The following NTAQ1 variants were observed in gnomAD, a reference collection of about 807,000 sequenced individuals.
The protein encoded by NTAQ1 is protein N-terminal glutamine amidohydrolase.
In NTAQ1, 21 loss-of-function variants were observed where a neutral mutation model predicts 28.2. That is an observed-to-expected ratio of 0.74 (90% CI 0.53 to 1.07). NTAQ1 has a LOEUF of 1.07. NTAQ1 is among the 50% of genes least tolerant of loss of function. NTAQ1 has a pLI of 0.00. For missense variants in NTAQ1, 264 were observed against 256.6 expected (o/e 1.03, Z -0.20); for synonymous variants, 105 against 90.0 (o/e 1.17, Z -0.94).
chr8:123,462,790 C>T (rs1441908665), intron 6 of NTAQ1, among the ~76,000 whole-genome samples: 2 of 152,218 alleles, frequency 1.3e-5, no homozygotes, highest in Admixed American at 6.5e-5. Context: ...CTTCCCCAAG[C>T]ATGCCCCCAA....
At chr8:123,452,422 C>T (rs916190086), downstream of NTAQ1, among the ~76,000 whole-genome samples, 5 of 152,160 alleles carry the variant, frequency 3.3e-5, no homozygotes, top group African/African-American at 1.2e-4. Context: ...CATGATGAAA[C>T]CCTGTCTCTA....
intron 1 of NTAQ1, among the ~76,000 whole-genome samples, chr8:123,417,268 C>T (rs1813356349): frequency 6.6e-6 from 1 of 152,172 alleles, no homozygotes; most frequent in South Asian, 2.1e-4. Context: ...CTGCTGAAGC[C>T]TGTGGGGTTT....
At chr8:123,461,605 G>A (rs1563907687) in intron 6 of NTAQ1, among the ~76,000 whole-genome samples, 1 of 152,110 alleles carries the variant, frequency 6.6e-6, no homozygotes, top group Non-Finnish European at 1.5e-5. Flanking sequence ...GACACCCTAG[G>A]TCCTTTCACA....
In NTAQ1 at chr8:123,430,116, G is replaced by A. The variant is rs1814309258; in HGVS notation, c.234+83G>A. 4.0e-6 allele frequency: 4 copies of A among 1,008,300 alleles called. No homozygotes were observed. The East Asian group carries it at 1.0e-4, about 25-fold the overall frequency. The allele number at this position is 1,008,300 out of a possible 1,614,324, so 62.5% of individuals were successfully genotyped here. On this transcript the variant is annotated intron_variant, in intron 3 of 5. Coordinates refer to ENST00000287387, the MANE Select transcript of NTAQ1 (RefSeq NM_018024.3). ...CTGTATGTTTTGGTAAAGCAGAAGT[G>A]ACCTAAGCAGTAGAGAAAGGCTATG...
chr8:123,461,754 T>G (rs1815830625), intron 6 of NTAQ1, among the ~76,000 whole-genome samples: 2 of 152,044 alleles, frequency 1.3e-5, no homozygotes, highest in Admixed American at 1.3e-4. Flanking sequence ...AAGGATTTAT[T>G]GAAAGGAAAG....
chr8:123,466,607 T>C (rs113379880), intron 6 of NTAQ1, among the ~76,000 whole-genome samples: 104 of 152,332 alleles, frequency 6.8e-4, no homozygotes, highest in African/African-American at 2.5e-3. Flanking sequence ...TGCAATTGTT[T>C]TCATCTGGAG....
At chr8:123,427,247 C>CTTTTTT (rs33920843) in intron 1 of NTAQ1, among the ~76,000 whole-genome samples, 80 of 81,598 alleles carry the variant, frequency 9.8e-4, no homozygotes, top group Admixed American at 1.8e-3. Context: ...ATGGTCAAAG[C>CTTTTTT]TTTTTTTTTT....
At chr8:123,430,090 T>G in intron 3 of NTAQ1, 57 bp downstream of exon 3, 1 of 1,412,474 alleles carries the variant, frequency 7.1e-7, no homozygotes, top group South Asian at 1.2e-5. Flanking sequence ...CCCTTAGTGT[T>G]CTGTATGTTT....
chr8:123,443,876 G>A (rs954511861), downstream of NTAQ1, among the ~76,000 whole-genome samples: 5 of 152,028 alleles, frequency 3.3e-5, no homozygotes, highest in Non-Finnish European at 5.9e-5. Flanking sequence ...CCTGGCCTGC[G>A]GTTCCTGGTT....
At chr8:123,427,895 A>C (rs760723625) in intron 1 of NTAQ1, 29 bp from the exon 2 acceptor site, 3 of 1,532,454 alleles carry the variant, frequency 2.0e-6, no homozygotes, top group Non-Finnish European at 2.7e-6. Context: ...ATGTTCTCTA[A>C]TCTTGATTAA....
At chr8:123,444,799 G>A (rs1024570109), downstream of NTAQ1, among the ~76,000 whole-genome samples, 2 of 152,132 alleles carry the variant, frequency 1.3e-5, no homozygotes, top group African/African-American at 4.8e-5. Flanking sequence ...GTGAGCCACG[G>A]TGCCCAGCCT....
At chr8:123,423,524 C>A (rs1187903756) in intron 1 of NTAQ1, among the ~76,000 whole-genome samples, 1 of 151,928 alleles carries the variant, frequency 6.6e-6, no homozygotes, top group Non-Finnish European at 1.5e-5. Flanking sequence ...TATCCTCCCA[C>A]CTCAGCCGAG....
At chr8:123,464,812 C>T (rs955624327) in intron 6 of NTAQ1, among the ~76,000 whole-genome samples, 5 of 152,066 alleles carry the variant, frequency 3.3e-5, no homozygotes, top group African/African-American at 7.2e-5. Flanking sequence ...CTTTGGGAGG[C>T]GGATCACTTG....
chr8:123,456,090 G>C (rs1205262698), intron 6 of NTAQ1, among the ~76,000 whole-genome samples: 1 of 152,162 alleles, frequency 6.6e-6, no homozygotes, highest in East Asian at 1.9e-4. Context: ...GCTCAAGTTA[G>C]TGGCCCTCCC....
chr8:123,459,075 T>A (rs993422583), intron 6 of NTAQ1, among the ~76,000 whole-genome samples: 1 of 151,530 alleles, frequency 6.6e-6, no homozygotes, highest in African/African-American at 2.4e-5. Context: ...AGACTCCGTC[T>A]CAAATAAATA....
chr8:123,438,046 A>C (rs1209409157), intron 5 of NTAQ1: 1 of 632,112 alleles, frequency 1.6e-6, no homozygotes, highest in African/African-American at 1.8e-5. Context: ...GTGAAATGTC[A>C]CTTTGGCTAT....
At chr8:123,435,211 C>T (rs749416191) in intron 3 of NTAQ1, among the ~76,000 whole-genome samples, 12 of 152,090 alleles carry the variant, frequency 7.9e-5, no homozygotes, top group Non-Finnish European at 5.9e-5. Context: ...CCCTGAAATC[C>T]CTTTCAGCTC....
chr8:123,441,663 A>C lies in NTAQ1; in HGVS notation c.*248A>C. On this transcript the variant is annotated 3_prime_UTR_variant, in exon 6 of 6. Coordinates refer to ENST00000287387, the MANE Select transcript of NTAQ1 (RefSeq NM_018024.3). ...GATATTCCTGTGGCTCATGCGTTAC[A>C]ACACGAGGACTTAAGCCAGTAATCG... 2.1e-6 allele frequency: 1 copy of C among 484,330 alleles called. No individual in the cohort carries two copies. The highest frequency in any genetic ancestry group is 2.7e-5 in the South Asian group (1 of 37,268). 30.0% of individuals were successfully genotyped at this position (484,330 alleles called of 1,614,324 possible). A position where few individuals can be genotyped will look rare whatever the true frequency, so the allele number is the denominator to read the frequency against.
chr8:123,463,474 TTAAG>T (rs1180730072), intron 6 of NTAQ1, among the ~76,000 whole-genome samples: 2 of 152,258 alleles, frequency 1.3e-5, no homozygotes, highest in Non-Finnish European at 2.9e-5. Context: ...CCATGCTTTA[TTAAG>T]TTTCTCTTTG....
Sources: allele counts gnomAD v4.1 joint callset (sites outside exome capture counted in the v4.1 genomes callset), GRCh38; gene constraint gnomAD v4.1.1; transcripts MANE v1.5; gene names NCBI Gene and HGNC (gene_info 2026-07-23, HGNC 2026-07-21).